APTX: variants seen among roughly 807,000 people sequenced by gnomAD.
APTX encodes aprataxin, also known as forkhead-associated domain histidine triad-like protein.
APTX carries 33 observed loss-of-function variants against 42.3 expected under a neutral mutation model. The ratio of observed to expected loss-of-function variants is 0.78; its 90% confidence interval spans 0.59 to 1.04. The LOEUF is 1.04. Ranked by LOEUF, APTX falls within the 50% of genes least tolerant of loss-of-function variation. The pLI, the probability that APTX is intolerant of heterozygous loss-of-function variation, is 0.00. For synonymous variants in APTX, 130 were observed against 146.7 expected (o/e 0.89, Z 0.82); for missense variants, 421 against 415.1 (o/e 1.01, Z -0.12).
chr9:33,008,312 A>AT (rs34959034), intron 1 of APTX, among the ~76,000 whole-genome samples: 5 of 151,394 alleles, frequency 3.3e-5, no homozygotes, highest in Admixed American at 1.3e-4. Context: ...ATATTTTTAG[A>AT]TTTTTTTTGA....
intron 2 of APTX, among the ~76,000 whole-genome samples, chr9:32,988,451 T>C (rs1264334447): frequency 6.6e-6 from 1 of 152,074 alleles, no homozygotes. Context: ...GATCACAGAC[T>C]CTGCCGCCAG....
chr9:33,005,251 G>T (rs10971297), upstream of APTX, among the ~76,000 whole-genome samples: 10,733 of 152,012 alleles, frequency 0.071, 514 homozygotes, highest in Non-Finnish European at 0.11. Context: ...AAACTTAATT[G>T]TGAAGTACTT....
chr9:32,988,034 G>T, intron 3 of APTX, 49 bp downstream of exon 3: 1 of 1,586,440 alleles, frequency 6.3e-7, no homozygotes, highest in Non-Finnish European at 8.7e-7. Flanking sequence ...AAAGTCAACA[G>T]CATAAGAAAA....
chr9:32,990,113 T>C (rs1015353935), intron 1 of APTX: 15 of 598,206 alleles, frequency 2.5e-5, no homozygotes, highest in African/African-American at 2.2e-4. Context: ...TGAGTAAGTA[T>C]TTACCTCCCT....
intron 1 of APTX, chr9:33,001,242 T>G: frequency 1.5e-6 from 2 of 1,337,144 alleles, no homozygotes; most frequent in South Asian, 2.7e-5. Context: ...GCGGAAACGC[T>G]GCCCTTCCCG....
At chr9:33,022,626 G>C (rs1356402123) in intron 1 of APTX, among the ~76,000 whole-genome samples, 1 of 152,164 alleles carries the variant, frequency 6.6e-6, no homozygotes, top group South Asian at 2.1e-4. Context: ...TTCATCAGTA[G>C]GGGAATAAAT....
At chr9:32,998,567 G>T (rs1245384700) in intron 1 of APTX, among the ~76,000 whole-genome samples, 2 of 152,160 alleles carry the variant, frequency 1.3e-5, no homozygotes, top group Non-Finnish European at 2.9e-5. Context: ...CATGTCCTTT[G>T]CAGGGACATG....
intron 1 of APTX, among the ~76,000 whole-genome samples, chr9:33,018,694 A>G (rs1386373417): frequency 6.6e-6 from 1 of 151,170 alleles, no homozygotes; most frequent in Non-Finnish European, 1.5e-5. Context: ...CCTGGCCAAC[A>G]TAGTGAAACC....
At chr9:33,012,836 A>G (rs1235889766) in intron 1 of APTX, among the ~76,000 whole-genome samples, 1 of 152,208 alleles carries the variant, frequency 6.6e-6, no homozygotes, top group Non-Finnish European at 1.5e-5. Flanking sequence ...TCCCTTTTAG[A>G]AAAAGGGTGG....
intron 1 of APTX, 74 bp from the exon 2 acceptor site, chr9:32,989,969 C>G: frequency 6.5e-7 from 1 of 1,543,838 alleles, no homozygotes; most frequent in Non-Finnish European, 8.8e-7. Flanking sequence ...ACACCCGGTG[C>G]CACCACGCAT....
In APTX at chr9:32,973,561, G is replaced by A; in HGVS notation, c.966C>T (p.Cys322=). ...GAGGAATGGAAGGCAGCAGCTGCTG[G>A]CACTCATGACAACGAAGGGGCAGCT... The part of the protein sequence containing the change: ...LLKLPLRCHE[C]QQLLPSIPQL... The change falls in exon 8 of 8, where the codon TGC becomes TGT. Residue 322 remains cysteine (C), a synonymous_variant. Coordinates refer to ENST00000379817, the MANE Select transcript of APTX (RefSeq NM_001195248.2). 1.2e-6 allele frequency: 2 copies of A among 1,614,050 alleles called. No homozygotes were observed. The highest frequency in any genetic ancestry group is 1.1e-5 in the South Asian group (1 of 91,066).
intron 7 of APTX, 133 bp downstream of exon 7, chr9:32,974,325 G>T: frequency 3.0e-6 from 2 of 672,394 alleles, no homozygotes; most frequent in South Asian, 1.6e-5. Flanking sequence ...TTTTCACAGG[G>T]CTCGCTTTAT....
At chr9:33,019,860 C>A (rs1043639892) in intron 1 of APTX, 2 of 646,878 alleles carry the variant, frequency 3.1e-6, no homozygotes, top group Non-Finnish European at 5.6e-6. Context: ...TTCCCAACCA[C>A]CCTTTGGTGG....
chr9:32,984,920 G>A, intron 5 of APTX, 63 bp from the exon 6 acceptor site: 1 of 1,443,178 alleles, frequency 6.9e-7, no homozygotes, highest in Non-Finnish European at 9.7e-7. Flanking sequence ...GTGCCTGGTT[G>A]TTATATTCAC....
upstream of APTX, among the ~76,000 whole-genome samples, chr9:33,006,184 G>A (rs1256146525): frequency 1.3e-5 from 2 of 152,056 alleles, no homozygotes; most frequent in African/African-American, 4.8e-5. Context: ...CATTTGGGAA[G>A]ATGAGTCAGG....
chr9:32,975,218 C>T (rs1365709124), intron 6 of APTX, among the ~76,000 whole-genome samples: 4 of 152,108 alleles, frequency 2.6e-5, no homozygotes, highest in African/African-American at 9.7e-5. Context: ...GGTCATAAAG[C>T]CTCTTAAAGG....
intron 1 of APTX, among the ~76,000 whole-genome samples, chr9:33,023,601 A>T (rs1334189114): frequency 6.6e-6 from 1 of 152,252 alleles, no homozygotes; most frequent in African/African-American, 2.4e-5. Flanking sequence ...GTTGGTTTAA[A>T]CAAAAAACTT....
At chr9:32,974,711 T>TAA in intron 6 of APTX, 150 bp from the exon 7 acceptor site, 2 of 642,532 alleles carry the variant, frequency 3.1e-6, no homozygotes, top group Non-Finnish European at 5.6e-6. Context: ...TCCATTTAAT[T>TAA]CAATTGATTC....
At chr9:32,997,320 C>A (rs1334641041) in intron 1 of APTX, 1 of 151,340 alleles carries the variant, frequency 6.6e-6, no homozygotes, top group East Asian at 1.9e-4. Flanking sequence ...TTGGGCAACA[C>A]AGCAACACCT....
Sources: gnomAD v4.1 joint callset for allele counts (sites outside exome capture counted in the v4.1 genomes callset) on GRCh38, gnomAD v4.1.1 for gene constraint, MANE v1.5 for transcripts, NCBI Gene and HGNC (gene_info 2026-07-23, HGNC 2026-07-21) for gene names.